SBF2: variants seen among roughly 807,000 people sequenced by gnomAD.
The protein encoded by SBF2 is SET binding factor 2, also known as myotubularin-related protein 13.
A neutral mutation model predicts 225.2 loss-of-function variants in SBF2; 112 were observed. The ratio of observed to expected loss-of-function variants is 0.50; its 90% CI spans 0.43 to 0.58. SBF2 has a LOEUF of 0.58. SBF2 is among the 20% of genes least tolerant of loss of function. The probability of loss-of-function intolerance (pLI) is 0.00; values close to 1 mark genes in which losing one functional copy is unlikely to be tolerated. For missense variants in SBF2, 1,996 were observed against 2,206.2 expected, an observed-to-expected ratio of 0.90 and a Z score of 1.91; for synonymous variants, 763 against 773.3, an observed-to-expected ratio of 0.99 and a Z score of 0.22.
At chr11:10,020,878 G>A (rs1425111789) in intron 6 of SBF2, among the ~76,000 whole-genome samples, 1 of 144,578 alleles carries the variant, frequency 6.9e-6, no homozygotes, top group African/African-American at 2.5e-5. Context: ...AATAATATTT[G>A]TAAGACAAAC....
rs1243625889 is a variant in SBF2 at position 10,303,661 on chromosome 11, A to T, written n.386+831T>A. On this transcript the variant is annotated intron_variant and non_coding_transcript_variant, in intron 1 of 5. Transcript: ENST00000685217. The surrounding 1 kb of genome is among the most constrained non-coding windows in gnomAD (Gnocchi z 5.2). ...TCACACAGCGAATTGCCGGGAGGTG[A>T]GGACTAGAAGCCTGTTTGGCTAGTG... The T allele has an allele frequency of 2.0e-5, 3 of 152,254 alleles. No homozygotes were observed. In the East Asian group the frequency reaches 5.8e-4, roughly 29 times the overall value. The allele number at this position is 152,254 out of a possible 1,614,324, so 9.4% of individuals were successfully genotyped here. A position where few individuals can be genotyped will look rare whatever the true frequency, so the allele number is the denominator to read the frequency against.
chr11:10,273,265 C>A (rs1167907131), intron 1 of SBF2, among the ~76,000 whole-genome samples: 1 of 152,148 alleles, frequency 6.6e-6, no homozygotes, highest in African/African-American at 2.4e-5. Flanking sequence ...GACAAGCTTT[C>A]AGAAATCATT....
intron 16 of SBF2, among the ~76,000 whole-genome samples, chr11:9,910,011 T>C (rs1242670008): frequency 6.6e-6 from 1 of 152,154 alleles, no homozygotes; most frequent in Non-Finnish European, 1.5e-5. Flanking sequence ...ACATGCAAAA[T>C]CAGTTCCACG....
intron 1 of SBF2, among the ~76,000 whole-genome samples, chr11:10,226,429 A>T (rs1056870219): frequency 6.6e-6 from 1 of 151,762 alleles, no homozygotes; most frequent in Non-Finnish European, 1.5e-5. Flanking sequence ...TGCTGCACCC[A>T]TCAACTCGTC....
chr11:10,120,834 G>A (rs1953403483), intron 2 of SBF2, among the ~76,000 whole-genome samples: 1 of 152,190 alleles, frequency 6.6e-6, no homozygotes, highest in Non-Finnish European at 1.5e-5. Flanking sequence ...TGATTAGGCT[G>A]GTCTCGAACT....
chr11:9,966,324 A>C (rs1375690236), intron 14 of SBF2, among the ~76,000 whole-genome samples: 4 of 152,132 alleles, frequency 2.6e-5, no homozygotes, highest in Non-Finnish European at 4.4e-5. Flanking sequence ...TCCTGACCTC[A>C]AGTGATCCGC....
intron 2 of SBF2, among the ~76,000 whole-genome samples, chr11:10,094,507 C>T (rs1951929004): frequency 7.0e-6 from 1 of 143,354 alleles, no homozygotes; most frequent in Non-Finnish European, 1.5e-5. Flanking sequence ...AAATTATTTT[C>T]CCTACTACAA....
chr11:10,169,884 G>A lies in SBF2; in HGVS notation c.141+24018C>T, dbSNP rs550560630. Reference sequence around the variant, plus strand: ...GGATATAAGCCATTTTAACTGGGGTGAGATGGTATCTCGTTGTAGTTTTGA... The same window carrying A: ...GGATATAAGCCATTTTAACTGGGGTAAGATGGTATCTCGTTGTAGTTTTGA... On this transcript the variant is annotated intron_variant, in intron 2 of 39. Coordinates refer to ENST00000256190, the MANE Select transcript of SBF2 (RefSeq NM_030962.4). 4.6e-5 allele frequency among the ~76,000 whole-genome samples: 7 copies of A among 152,290 alleles called. No individual in the cohort carries two copies. The South Asian group carries it at 1.4e-3, about 32-fold the overall frequency.
intron 16 of SBF2, among the ~76,000 whole-genome samples, chr11:9,907,807 T>C (rs926920172): frequency 2.2e-4 from 33 of 152,368 alleles, no homozygotes; most frequent in African/African-American, 7.2e-4. Flanking sequence ...TCACACATAT[T>C]TGAAGTATGA....
At chr11:9,834,394 C>T (rs922911717) in intron 26 of SBF2, among the ~76,000 whole-genome samples, 3 of 152,144 alleles carry the variant, frequency 2.0e-5, no homozygotes, top group Non-Finnish European at 4.4e-5. Context: ...GTGTACAAAC[C>T]AGTGGCATTT....
intron 2 of SBF2, among the ~76,000 whole-genome samples, chr11:10,082,446 A>G (rs1464635151): frequency 2.0e-5 from 3 of 152,178 alleles, no homozygotes; most frequent in Non-Finnish European, 2.9e-5. Context: ...AGAAAACTAC[A>G]TATCAATATC....
At chr11:10,224,301 T>A (rs1018727780) in intron 1 of SBF2, among the ~76,000 whole-genome samples, 3 of 152,170 alleles carry the variant, frequency 2.0e-5, no homozygotes. Context: ...ATATTTTGAA[T>A]GCATACATTT....
intron 27 of SBF2, among the ~76,000 whole-genome samples, chr11:9,831,172 A>AT (rs1379182574): frequency 2.6e-5 from 4 of 151,656 alleles, no homozygotes; most frequent in African/African-American, 7.3e-5. Flanking sequence ...TAATTTTTGT[A>AT]TTTTTTTGTA....
At chr11:10,188,395 G>A (rs1022619051) in intron 2 of SBF2, among the ~76,000 whole-genome samples, 23 of 152,114 alleles carry the variant, frequency 1.5e-4, no homozygotes, top group African/African-American at 5.3e-4. Context: ...CAGATGTAGT[G>A]GGTCAGGCCT....
rs542028180 is a variant in SBF2 at position 9,963,879 on chromosome 11, G to A, written c.1604C>T (p.Ser535Leu). ...CVVPAGPPVVSIMDKVTTVFN... is the reference protein window; with the variant it reads ...CVVPAGPPVVLIMDKVTTVFN... Reference sequence around the variant, plus strand: ...AACTGTCGTCACCTTGTCCATTATCGAAACTAGTAAAAGAATATAAAGAAA... The same window carrying A: ...AACTGTCGTCACCTTGTCCATTATCAAAACTAGTAAAAGAATATAAAGAAA... The change falls in exon 15 of 40, where the codon TCG becomes TTG. Residue 535 changes from serine to leucine, a missense_variant. By Grantham distance (145) the Ser-to-Leu change is moderately radical (BLOSUM62 -2). Transcript: ENST00000256190. 7 of 1,549,048 alleles carry A rather than the reference G, an allele frequency of 4.5e-6. No individual in the cohort carries two copies. The highest frequency in any genetic ancestry group is 4.5e-5 in the South Asian group (4 of 89,330).
chr11:10,180,996 A>T, intron 2 of SBF2, among the ~76,000 whole-genome samples: 1 of 152,022 alleles, frequency 6.6e-6, no homozygotes, highest in East Asian at 1.9e-4. Context: ...CTATCTTTGG[A>T]AAAAATAAAA....
intron 29 of SBF2, among the ~76,000 whole-genome samples, chr11:9,814,061 A>C (rs1247607612): frequency 6.6e-6 from 1 of 152,150 alleles, no homozygotes; most frequent in Non-Finnish European, 1.5e-5. Context: ...TCTCATTTAC[A>C]TCTTTAATCC....
intron 2 of SBF2, among the ~76,000 whole-genome samples, chr11:10,143,273 G>A (rs1468887954): frequency 6.6e-6 from 1 of 152,058 alleles, no homozygotes; most frequent in African/African-American, 2.4e-5. Context: ...CTGGGTTCAA[G>A]CGATTCTCTT....
chr11:10,098,601 C>G (rs1952137732), intron 2 of SBF2, among the ~76,000 whole-genome samples: 1 of 150,350 alleles, frequency 6.7e-6, no homozygotes, highest in Admixed American at 6.6e-5. Context: ...GTTTAACAAG[C>G]TACAAGAGGT....
Sources: gnomAD v4.1 joint callset for allele counts (sites outside exome capture counted in the v4.1 genomes callset) on GRCh38, gnomAD v4.1.1 for gene constraint, Gnocchi (gnomAD v3.1) non-coding constraint, MANE v1.5 for transcripts, NCBI Gene and HGNC (gene_info 2026-07-23, HGNC 2026-07-21) for gene names.